The following EXOG variants were observed in gnomAD, a reference collection of about 807,000 sequenced individuals.
The protein encoded by EXOG is exo/endonuclease G.
EXOG carries 27 observed loss-of-function variants against 25.8 expected under a neutral mutation model. The ratio of observed to expected loss-of-function variants is 1.05; its 90% CI spans 0.77 to 1.45. EXOG has a LOEUF of 1.45. Among genes scored for constraint, EXOG ranks in the 40% most tolerant of loss-of-function variants. The probability of loss-of-function intolerance (pLI) is 0.00; values close to 1 mark genes in which losing one functional copy is unlikely to be tolerated. For synonymous variants in EXOG, 133 were observed against 167.0 expected (o/e 0.80, Z 1.57); for missense variants, 458 against 450.5 (o/e 1.02, Z -0.15).
At chr3:38,508,299 TTAG>T (rs1338189731) in intron 5 of EXOG, among the ~76,000 whole-genome samples, 1 of 152,086 alleles carries the variant, frequency 6.6e-6, no homozygotes, top group Non-Finnish European at 1.5e-5. Flanking sequence ...GAGAGTGTAA[TTAG>T]TGGTGTGAGA....
In EXOG at chr3:38,497,626, TAGG is replaced by T. The variant is rs1559671017; in HGVS notation, c.164-1_165del. On this transcript the variant is annotated splice_acceptor_variant and coding_sequence_variant, in exon 2 of 6. Coordinates refer to ENST00000287675, the MANE Select transcript of EXOG (RefSeq NM_005107.4). LOFTEE classifies it high-confidence loss of function. Reference sequence around the variant, plus strand: ...CCCCTTTTTTTTTTTTTTTCATTTTTAGGATCTGCAGAAAAGGCTGTCTTGGAA... The same window carrying T: ...CCCCTTTTTTTTTTTTTTTCATTTTTATCTGCAGAAAAGGCTGTCTTGGAA... The T allele has an allele frequency of 3.8e-6, 6 of 1,561,654 alleles. No homozygotes were observed. Among genetic ancestry groups the T allele is most frequent in the South Asian group, 2.4e-5 (2 of 82,730 alleles).
In EXOG at chr3:38,524,152, T is replaced by C. The variant is rs753066485; in HGVS notation, c.897T>C (p.Cys299=). The C allele has an allele frequency of 3.7e-6, 6 of 1,614,066 alleles. No individual in the cohort carries two copies. The Admixed American group carries it at 5.0e-5, about 13-fold the overall frequency. Residue 299 remains cysteine (C), a synonymous_variant, in exon 6 of 6, where the codon TGT becomes TGC. Transcript: ENST00000287675. ...GGAATATCTGCTCTGTGGACACCTG[T>C]AAGCTCCTGGATTTCCAGGAGTTCA... ...DIRNICSVDT[C]KLLDFQEFTL...
intron 4 of EXOG, among the ~76,000 whole-genome samples, chr3:38,506,444 G>A (rs909863974): frequency 2.0e-5 from 3 of 152,120 alleles, no homozygotes; most frequent in African/African-American, 4.8e-5. Context: ...TTGATACAAC[G>A]TTGCATTATA....
intron 1 of EXOG, 191 bp downstream of exon 1, chr3:38,496,721 C>A: frequency 6.9e-7 from 1 of 1,452,544 alleles, no homozygotes; most frequent in South Asian, 1.4e-5. Flanking sequence ...CAGCTTCCCT[C>A]ATGTCCTTCC....
At chr3:38,514,294 G>GTC (rs2060465086) in intron 5 of EXOG, among the ~76,000 whole-genome samples, 1 of 152,196 alleles carries the variant, frequency 6.6e-6, no homozygotes, top group South Asian at 2.1e-4. Context: ...TAATGGAATT[G>GTC]TCTACATGAG....
intron 1 of EXOG, chr3:38,497,246 G>A (rs1213495210): frequency 2.0e-6 from 2 of 1,018,824 alleles, no homozygotes; most frequent in East Asian, 2.1e-4. Flanking sequence ...ACTGCTGAAT[G>A]TGTGCTTGGT....
intron 3 of EXOG, among the ~76,000 whole-genome samples, chr3:38,502,862 A>G (rs1017777005): frequency 2.0e-5 from 3 of 152,202 alleles, no homozygotes; most frequent in African/African-American, 7.2e-5. Flanking sequence ...ATTGTTGCGT[A>G]AACTATTGGT....
Position 38,524,514 on chromosome 3 carries a change from G to A in EXOG, c.*152G>A. 3 of 1,359,426 alleles carry A rather than the reference G, an allele frequency of 2.2e-6. No individual in the cohort carries two copies. Among genetic ancestry groups the A allele is most frequent in the Non-Finnish European group, 2.9e-6 (3 of 1,038,288 alleles). 84.2% of individuals were successfully genotyped at this position (1,359,426 alleles called of 1,614,324 possible). Reference sequence around the variant, plus strand: ...CGTGTCATCCAGGCTGGAGTGCAGTGGTGGAATCATAGCTCACTATAGCCT... The same window carrying A: ...CGTGTCATCCAGGCTGGAGTGCAGTAGTGGAATCATAGCTCACTATAGCCT... On this transcript the variant is annotated 3_prime_UTR_variant, in exon 6 of 6. Coordinates refer to ENST00000287675, the MANE Select transcript of EXOG (RefSeq NM_005107.4).
intron 3 of EXOG, among the ~76,000 whole-genome samples, chr3:38,502,448 A>T (rs2060076099): frequency 6.6e-6 from 1 of 152,230 alleles, no homozygotes; most frequent in African/African-American, 2.4e-5. Context: ...AAAGGTGAAA[A>T]AATAGTACAA....
intron 5 of EXOG, among the ~76,000 whole-genome samples, chr3:38,508,720 C>CG (rs1033152802): frequency 5.4e-5 from 8 of 149,468 alleles, no homozygotes; most frequent in East Asian, 4.0e-4. Flanking sequence ...CACCCCCCCC[C>CG]CAAAAAAAAA....
intron 4 of EXOG, chr3:38,505,568 C>G (rs1379963990): frequency 6.6e-6 from 1 of 152,106 alleles, no homozygotes; most frequent in Non-Finnish European, 1.5e-5. Context: ...AACACCACTG[C>G]ACTTATACCA....
chr3:38,508,332 G>C (rs185050307), intron 5 of EXOG, among the ~76,000 whole-genome samples: 4 of 152,226 alleles, frequency 2.6e-5, no homozygotes, highest in African/African-American at 9.6e-5. Context: ...ATCTAATGTT[G>C]CTGGGAAATT....
intron 4 of EXOG, among the ~76,000 whole-genome samples, chr3:38,505,954 GAA>G (rs75103485): frequency 6.2e-5 from 7 of 113,080 alleles, no homozygotes; most frequent in African/African-American, 2.2e-4. Context: ...CGTCTCAAAA[GAA>G]AAAAAAAAAA....
chr3:38,497,314 T>A, intron 1 of EXOG: 1 of 1,085,852 alleles, frequency 9.2e-7, no homozygotes, highest in Non-Finnish European at 1.1e-6. Flanking sequence ...AGCACACATA[T>A]CAGTGCTTCA....
In EXOG at chr3:38,506,836, T is replaced by G. The variant is rs1378548956; in HGVS notation, c.531-18T>G. Reference sequence around the variant, plus strand: ...TATATATGTGAGAATATCATACATTTTTTTATTTGTTTTTCAGAATAGAAA... The same window carrying G: ...TATATATGTGAGAATATCATACATTGTTTTATTTGTTTTTCAGAATAGAAA... On this transcript the variant is annotated intron_variant, in intron 4 of 5. Coordinates refer to ENST00000287675, the MANE Select transcript of EXOG (RefSeq NM_005107.4). The G allele has an allele frequency of 7.9e-7, 1 of 1,259,788 alleles. No individual in the cohort carries two copies. Among genetic ancestry groups the G allele is most frequent in the Non-Finnish European group, 1.2e-6 (1 of 862,546 alleles). 78.0% of individuals were successfully genotyped at this position (1,259,788 alleles called of 1,614,324 possible). A position where few individuals can be genotyped will look rare whatever the true frequency, so the allele number is the denominator to read the frequency against.
At chr3:38,522,593 C>T (rs1197408601) in intron 5 of EXOG, among the ~76,000 whole-genome samples, 2 of 152,228 alleles carry the variant, frequency 1.3e-5, no homozygotes, top group Non-Finnish European at 2.9e-5. Context: ...CAACCTCCAC[C>T]TCCCGGGTTC....
intron 5 of EXOG, chr3:38,519,320 A>G (rs2060638720): frequency 6.6e-6 from 1 of 152,208 alleles, no homozygotes; most frequent in Non-Finnish European, 1.5e-5. Flanking sequence ...TTGATTCCAG[A>G]CAAGTGAAAC....
At chr3:38,503,431 G>A (rs2060106209) in intron 3 of EXOG, among the ~76,000 whole-genome samples, 184 bp from the exon 4 acceptor site, 1 of 152,080 alleles carries the variant, frequency 6.6e-6, no homozygotes, top group Non-Finnish European at 1.5e-5. Flanking sequence ...TCCTCATTTT[G>A]AATAATTATT....
chr3:38,497,892 G>A (rs1209459345), intron 2 of EXOG, 114 bp downstream of exon 2: 11 of 1,299,844 alleles, frequency 8.5e-6, no homozygotes, highest in Non-Finnish European at 1.1e-5. Flanking sequence ...AGCACATGTA[G>A]AAAATTATAT....
Sources: gnomAD v4.1 joint callset for allele counts (sites outside exome capture counted in the v4.1 genomes callset) on GRCh38, gnomAD v4.1.1 for gene constraint, MANE v1.5 for transcripts, NCBI Gene and HGNC (gene_info 2026-07-23, HGNC 2026-07-21) for gene names.